CAMK1D: variants seen among roughly 807,000 people sequenced by gnomAD.
CAMK1D encodes calcium/calmodulin dependent protein kinase ID.
A neutral mutation model predicts 47.7 loss-of-function variants in CAMK1D; 9 were observed. The observed-to-expected ratio is 0.19, with a 90% CI of 0.11 to 0.33. The LOEUF (loss-of-function observed/expected upper bound fraction) is 0.33. Among genes scored for constraint, CAMK1D ranks in the 10% least tolerant of loss-of-function variants. CAMK1D has a pLI of 1.00. For synonymous variants in CAMK1D, 184 were observed against 184.9 expected, an observed-to-expected ratio of 0.99 and a Z score of 0.04; for missense variants, 291 against 488.7, an observed-to-expected ratio of 0.60 and a Z score of 3.81.
intron 6 of CAMK1D, among the ~76,000 whole-genome samples, chr10:12,801,297 G>GTATCTATCTATCCATCTATC (rs1347655439): frequency 8.9e-5 from 8 of 89,890 alleles, no homozygotes; most frequent in African/African-American, 2.6e-4. Flanking sequence ...GTCTGTGTGT[G>GTATCTATCTATCCATCTATC]TATCTATCTA....
chr10:12,700,759 A>G (rs1490551333), intron 3 of CAMK1D, among the ~76,000 whole-genome samples: 1 of 152,220 alleles, frequency 6.6e-6, no homozygotes, highest in African/African-American at 2.4e-5. Flanking sequence ...GTGCATGTCC[A>G]GTAACTCGAA....
intron 5 of CAMK1D, among the ~76,000 whole-genome samples, chr10:12,786,575 T>G (rs945695589): frequency 6.6e-6 from 1 of 152,252 alleles, no homozygotes; most frequent in Admixed American, 6.5e-5. Context: ...TTATTTATTT[T>G]AGAGACAGCG....
chr10:12,501,553 G>A (rs1010936895), intron 1 of CAMK1D, among the ~76,000 whole-genome samples: 7 of 152,180 alleles, frequency 4.6e-5, no homozygotes, highest in African/African-American at 1.7e-4. Context: ...GGGCTCGGAG[G>A]AAATAAAAAG....
rs144857596 is a variant in CAMK1D, at chr10:12,402,392, C to A, written c.92+52482C>A. Among the ~76,000 whole-genome samples the A allele has an allele frequency of 1.3e-4, 20 of 152,150 alleles. No homozygotes were observed. In the East Asian group the frequency reaches 3.9e-3, roughly 29 times the overall value. On this transcript the variant is annotated intron_variant, in intron 1 of 10. Coordinates refer to ENST00000619168, the MANE Select transcript of CAMK1D (RefSeq NM_153498.4). The stretch of plus-strand genomic sequence containing the variant: ...GGGACCACAGGCGGGCACCACCATG[C>A]CCAGCTAATTTTTGTTTTTTGTAGA...
chr10:12,468,789 C>G (rs977881796), intron 1 of CAMK1D, among the ~76,000 whole-genome samples: 1 of 152,206 alleles, frequency 6.6e-6, no homozygotes, highest in Non-Finnish European at 1.5e-5. Context: ...ACACCTTCCC[C>G]CTTCGGAACT....
intron 3 of CAMK1D, chr10:12,760,626 C>T (rs1447893396): frequency 6.6e-5 from 14 of 213,490 alleles, no homozygotes; most frequent in South Asian, 2.1e-4. Context: ...TTCCTGTATC[C>T]GAGGACGCTG....
intron 2 of CAMK1D, among the ~76,000 whole-genome samples, chr10:12,570,938 G>A (rs1227734516): frequency 6.6e-6 from 1 of 152,028 alleles, no homozygotes. Context: ...GTGACAGAGT[G>A]AGACTTCATG....
At chr10:12,661,367 A>G (rs1228873387) in intron 2 of CAMK1D, among the ~76,000 whole-genome samples, 1 of 152,236 alleles carries the variant, frequency 6.6e-6, no homozygotes, top group Non-Finnish European at 1.5e-5. Flanking sequence ...GTGAGAATAG[A>G]CATAGATTGA....
At chr10:12,808,730 G>T (rs1832473485) in intron 6 of CAMK1D, among the ~76,000 whole-genome samples, 1 of 151,932 alleles carries the variant, frequency 6.6e-6, no homozygotes, top group South Asian at 2.1e-4. Context: ...GTGAGCCAAG[G>T]TCGCGCTACT....
chr10:12,524,120 C>A (rs1045340120), intron 1 of CAMK1D, among the ~76,000 whole-genome samples: 1 of 151,598 alleles, frequency 6.6e-6, no homozygotes, highest in Non-Finnish European at 1.5e-5. Flanking sequence ...TCTTGATCTC[C>A]TGACATCGTA....
At chr10:12,361,169 TG>T (rs948028308) in intron 1 of CAMK1D, among the ~76,000 whole-genome samples, 33 of 152,066 alleles carry the variant, frequency 2.2e-4, no homozygotes, top group African/African-American at 7.7e-4. Flanking sequence ...CTAGTCGTGA[TG>T]GACAAACAAT....
At chr10:12,520,072 C>A (rs1835355484) in intron 1 of CAMK1D, among the ~76,000 whole-genome samples, 1 of 75,542 alleles carries the variant, frequency 1.3e-5, no homozygotes, top group Non-Finnish European at 2.8e-5. Context: ...GGGGGCTGAC[C>A]CCCCCCCACC....
At chr10:12,828,595 C>G (rs964778463) in intron 10 of CAMK1D, among the ~76,000 whole-genome samples, 174 bp from the exon 11 acceptor site, 1 of 151,436 alleles carries the variant, frequency 6.6e-6, no homozygotes, top group African/African-American at 2.4e-5. Flanking sequence ...GACCCGAGAT[C>G]GTGCCACTGC....
intron 1 of CAMK1D, among the ~76,000 whole-genome samples, chr10:12,497,840 A>T (rs2132133602): frequency 6.6e-6 from 1 of 152,296 alleles, no homozygotes; most frequent in South Asian, 2.1e-4. Flanking sequence ...GTATTAGTTC[A>T]TTTTCATACT....
intron 3 of CAMK1D, among the ~76,000 whole-genome samples, chr10:12,703,110 T>C (rs1421559408): frequency 6.6e-6 from 1 of 152,248 alleles, no homozygotes; most frequent in African/African-American, 2.4e-5. Context: ...AGCTGGTTAC[T>C]ATTAGGAAGA....
At position 12,398,307 on chromosome 10, in the gene CAMK1D, C is replaced by T. The variant is rs531348950; in HGVS notation, c.92+48397C>T. Among the ~76,000 whole-genome samples the T allele has an allele frequency of 9.9e-5, 15 of 152,170 alleles. No individual in the cohort carries two copies. In the East Asian group the frequency reaches 2.7e-3, roughly 27 times the overall value. On this transcript the variant is annotated intron_variant, in intron 1 of 10. Transcript: ENST00000619168. ...ATGTATATACATTTAAATTAAGTTT[C>T]CTGTGGCTAGAGGGCCTACATATTT... is the stretch of plus-strand genomic sequence containing the variant.
chr10:12,657,455 T>A (rs1047158945), intron 2 of CAMK1D, among the ~76,000 whole-genome samples: 1 of 151,710 alleles, frequency 6.6e-6, no homozygotes, highest in African/African-American at 2.4e-5. Flanking sequence ...AATAAATAAA[T>A]AAAAACACCT....
intron 1 of CAMK1D, among the ~76,000 whole-genome samples, chr10:12,471,570 C>T (rs1391076860): frequency 1.3e-5 from 2 of 152,236 alleles, no homozygotes; most frequent in African/African-American, 4.8e-5. Flanking sequence ...AAGGGCCTTT[C>T]AGCTCATTCC....
At chr10:12,783,268 C>T (rs1189166906) in intron 5 of CAMK1D, among the ~76,000 whole-genome samples, 1 of 152,328 alleles carries the variant, frequency 6.6e-6, no homozygotes, top group Non-Finnish European at 1.5e-5. Flanking sequence ...GCTGGGATTA[C>T]AGGCGTGAGC....
Sources: allele counts gnomAD v4.1 joint callset (sites outside exome capture counted in the v4.1 genomes callset), GRCh38; gene constraint gnomAD v4.1.1; transcripts MANE v1.5; gene names NCBI Gene and HGNC (gene_info 2026-07-23, HGNC 2026-07-21).